FAM13B: variants seen among roughly 807,000 people sequenced by gnomAD.
The protein encoded by FAM13B is protein FAM13B.
A neutral mutation model predicts 117.3 loss-of-function variants in FAM13B; 60 were observed. The ratio of observed to expected loss-of-function variants is 0.51; its 90% CI spans 0.42 to 0.63. The LOEUF is 0.63. FAM13B is among the 30% of genes least tolerant of loss of function. FAM13B has a pLI of 0.00. For missense variants in FAM13B, 972 were observed against 1,091.9 expected (o/e 0.89, Z 1.55); for synonymous variants, 332 against 356.1 (o/e 0.93, Z 0.76).
intron 2 of FAM13B, 132 bp from the exon 3 acceptor site, chr5:138,019,278 T>C (rs958095755): frequency 8.3e-6 from 6 of 718,852 alleles, no homozygotes; most frequent in Non-Finnish European, 1.3e-5. Flanking sequence ...AGCAGGCCCA[T>C]AGTGTGTTCT....
Position 137,952,657 on chromosome 5 carries a change from T to C in FAM13B, c.1901A>G (p.Glu634Gly). ...ANPKVLKWMT[E>G]LTKLRKQIKD... ...AATTTGCTTCCGCAGTTTTGTAAGC[T>C]CTGTCATCCATTTTAATACCTTTGG... is the stretch of plus-strand genomic sequence containing the variant. The change falls in exon 17 of 24, where the codon GAG becomes GGG. Residue 634 changes from glutamate (E) to glycine (G), a missense_variant. Transcript: ENST00000689681. 6.2e-7 allele frequency: 1 copy of C among 1,604,702 alleles called. No individual in the cohort carries two copies. The highest frequency in any genetic ancestry group is 8.5e-7 in the Non-Finnish European group (1 of 1,175,048).
chr5:138,002,169 A>G (rs1006397832), intron 7 of FAM13B, among the ~76,000 whole-genome samples: 3 of 152,238 alleles, frequency 2.0e-5, no homozygotes, highest in African/African-American at 7.2e-5. Context: ...TCAGCAAAGT[A>G]CTTTTATAAT....
upstream of FAM13B, chr5:138,033,098 C>T (rs954543187): frequency 3.1e-5 from 21 of 678,768 alleles, no homozygotes; most frequent in Non-Finnish European, 3.5e-5. Flanking sequence ...GAGGCCGGGC[C>T]GGACGTGACG....
intron 4 of FAM13B, among the ~76,000 whole-genome samples, chr5:138,012,169 T>C (rs979061473): frequency 6.6e-6 from 1 of 151,782 alleles, no homozygotes; most frequent in Admixed American, 6.6e-5. Context: ...AATCCCTTAA[T>C]TGCTGGAGGA....
At chr5:138,031,549 G>C (rs559693400) in intron 1 of FAM13B, among the ~76,000 whole-genome samples, 12 of 152,096 alleles carry the variant, frequency 7.9e-5, no homozygotes, top group African/African-American at 1.2e-4. Context: ...GTCAGGCGTG[G>C]TGGCGGGCGC....
chr5:138,026,443 T>C (rs933226060), intron 1 of FAM13B, among the ~76,000 whole-genome samples: 5 of 150,068 alleles, frequency 3.3e-5, no homozygotes, highest in African/African-American at 1.2e-4. Flanking sequence ...CTGGGCAACA[T>C]GGCAAAACCC....
chr5:137,960,748 C>A (rs574828685), intron 11 of FAM13B, among the ~76,000 whole-genome samples: 14 of 152,102 alleles, frequency 9.2e-5, no homozygotes, highest in Admixed American at 8.5e-4. Flanking sequence ...CAGTAACATA[C>A]TAAAAGGAAA....
intron 20 of FAM13B, among the ~76,000 whole-genome samples, chr5:137,944,486 G>T (rs555185246): frequency 1.3e-5 from 2 of 152,080 alleles, no homozygotes. Context: ...GAACAAAATC[G>T]GCAGGGCACG....
Position 137,952,685 on chromosome 5 carries a change from T to C in FAM13B, c.1873A>G (p.Asn625Asp), listed in dbSNP as rs907102916. ...GTCATCCATTTTAATACCTTTGGAT[T>C]GGCAGCAATATCACTGTAGGAGGGC... The part of the protein sequence containing the change: ...SKPSYSDIAA[N>D]PKVLKWMTEL... The change falls in exon 17 of 24, where the codon AAT becomes GAT. Residue 625 changes from asparagine to aspartate, a missense_variant. Physicochemically the swap from Asn to Asp is conservative, Grantham distance 23 (BLOSUM62 1). Coordinates refer to ENST00000689681, the MANE Select transcript of FAM13B (RefSeq NM_001385994.1). 6.2e-7 allele frequency: 1 copy of C among 1,606,402 alleles called. No homozygotes were observed. Among genetic ancestry groups the C allele is most frequent in the Non-Finnish European group, 8.5e-7 (1 of 1,175,902 alleles).
At chr5:137,986,469 C>T (rs1777274391) in intron 9 of FAM13B, among the ~76,000 whole-genome samples, 1 of 147,572 alleles carries the variant, frequency 6.8e-6, no homozygotes, top group Admixed American at 6.8e-5. Context: ...CATGAAATCA[C>T]TGCACCACGG....
At chr5:137,956,102 T>C (rs1213944003) in intron 14 of FAM13B, among the ~76,000 whole-genome samples, 1 of 152,216 alleles carries the variant, frequency 6.6e-6, no homozygotes, top group African/African-American at 2.4e-5. Context: ...ACTTTATGCA[T>C]TAGCAATTTA....
intron 13 of FAM13B, among the ~76,000 whole-genome samples, chr5:137,957,123 C>T (rs1323325213): frequency 2.0e-5 from 3 of 152,182 alleles, no homozygotes; most frequent in Non-Finnish European, 4.4e-5. Context: ...TGACATAGGG[C>T]TCTATTTGGA....
chr5:137,943,513 A>G (rs1240553272), intron 20 of FAM13B, among the ~76,000 whole-genome samples: 2 of 152,192 alleles, frequency 1.3e-5, no homozygotes, highest in African/African-American at 4.8e-5. Context: ...TTGGGAGGCC[A>G]AGGCAGGCGG....
At chr5:137,984,924 AC>A (rs1776791829) in intron 10 of FAM13B, among the ~76,000 whole-genome samples, 1 of 151,530 alleles carries the variant, frequency 6.6e-6, no homozygotes. Flanking sequence ...GCCCACCACC[AC>A]GCCCGGCTAA....
intron 10 of FAM13B, among the ~76,000 whole-genome samples, chr5:137,965,168 C>CA (rs913488430): frequency 4.0e-5 from 6 of 151,802 alleles, no homozygotes; most frequent in African/African-American, 1.2e-4. Context: ...GCCTCTGTTT[C>CA]AAAAAAATAT....
chr5:138,007,456 A>G (rs898336299), intron 6 of FAM13B, among the ~76,000 whole-genome samples: 2 of 152,214 alleles, frequency 1.3e-5, no homozygotes, highest in Non-Finnish European at 2.9e-5. Context: ...AACATTAAGA[A>G]AACTTAATTT....
intron 13 of FAM13B, among the ~76,000 whole-genome samples, chr5:137,957,480 C>T (rs977993403): frequency 7.1e-6 from 1 of 140,926 alleles, no homozygotes; most frequent in African/African-American, 2.7e-5. Context: ...GCGGAAGTTG[C>T]GGTGAGCTGA....
upstream of FAM13B, among the ~76,000 whole-genome samples, chr5:138,037,580 T>C (rs1294877081): frequency 6.6e-6 from 1 of 152,080 alleles, no homozygotes; most frequent in Non-Finnish European, 1.5e-5. Context: ...GGTTCTTCCA[T>C]CCTTTACATG....
At chr5:138,018,886 C>T in intron 3 of FAM13B, 69 bp downstream of exon 3, 2 of 1,296,272 alleles carry the variant, frequency 1.5e-6, no homozygotes, top group East Asian at 2.4e-5. Flanking sequence ...ATTAAAAATC[C>T]AAGGTCAAAA....
Sources: allele counts gnomAD v4.1 joint callset (sites outside exome capture counted in the v4.1 genomes callset), GRCh38; gene constraint gnomAD v4.1.1; transcripts MANE v1.5; gene names NCBI Gene and HGNC (gene_info 2026-07-23, HGNC 2026-07-21).